The following SLC25A21 variants were observed in gnomAD, a reference collection of about 807,000 sequenced individuals.
SLC25A21 encodes mitochondrial 2-oxodicarboxylate carrier.
SLC25A21 carries 47 observed loss-of-function variants against 43.8 expected under a neutral mutation model. The ratio of observed to expected loss-of-function variants is 1.07; its 90% CI spans 0.85 to 1.37. The LOEUF is 1.37. SLC25A21 is among the 40% of genes most tolerant of loss of function. The pLI, the probability that SLC25A21 is intolerant of heterozygous loss-of-function variation, is 0.00. For missense variants in SLC25A21, 352 were observed against 350.2 expected (o/e 1.00, Z -0.04); for synonymous variants, 131 against 121.3 (o/e 1.08, Z -0.52).
Position 36,731,484 on chromosome 14 carries a change from G to C in SLC25A21, c.271-1918C>G, listed in dbSNP as rs1291268885. Reference sequence around the variant, plus strand: ...TAAGATAATTTAAGTAAGATTCCCTGACAGGACTGGCACAAGTAAGACTTT... The same window carrying C: ...TAAGATAATTTAAGTAAGATTCCCTCACAGGACTGGCACAAGTAAGACTTT... On this transcript the variant is annotated intron_variant, in intron 4 of 9. Coordinates refer to ENST00000331299, the MANE Select transcript of SLC25A21 (RefSeq NM_030631.4). Among the ~76,000 whole-genome samples, 7 of 152,238 alleles carry C rather than the reference G, an allele frequency of 4.6e-5. No homozygotes were observed. The South Asian group carries it at 8.3e-4, about 18-fold the overall frequency.
intron 6 of SLC25A21, among the ~76,000 whole-genome samples, chr14:36,722,905 CTCCTCTTCT>C (rs1302421731): frequency 1.3e-5 from 2 of 152,082 alleles, no homozygotes; most frequent in African/African-American, 4.8e-5. Flanking sequence ...ACTTCTCTTC[CTCCTCTTCT>C]TCCTCTTCCT....
intron 1 of SLC25A21, among the ~76,000 whole-genome samples, chr14:36,992,028 G>C (rs1960274766): frequency 6.6e-6 from 1 of 152,166 alleles, no homozygotes; most frequent in Non-Finnish European, 1.5e-5. Context: ...TTTATTTCTT[G>C]TTTAGCACAT....
intron 1 of SLC25A21, among the ~76,000 whole-genome samples, chr14:36,882,123 C>T (rs1187853627): frequency 2.6e-5 from 4 of 152,172 alleles, no homozygotes; most frequent in Non-Finnish European, 4.4e-5. Context: ...TGGCTCACAC[C>T]TGTAATCCCA....
At chr14:36,933,974 G>C (rs1892356314) in intron 1 of SLC25A21, among the ~76,000 whole-genome samples, 1 of 152,050 alleles carries the variant, frequency 6.6e-6, no homozygotes, top group Admixed American at 6.6e-5. Context: ...TGCTAAGCAT[G>C]GCTGAAAGTT....
chr14:37,131,896 A>T (rs1275578151), intron 1 of SLC25A21, among the ~76,000 whole-genome samples: 2 of 151,892 alleles, frequency 1.3e-5, no homozygotes, highest in Non-Finnish European at 2.9e-5. Context: ...CTGGTCTTAA[A>T]CTCCTGTGCT....
In SLC25A21 at chr14:36,678,578, T is replaced by G. The variant is rs1233532411; in HGVS notation, c.*2080A>C. 6.6e-7 allele frequency: 1 copy of G among 1,517,638 alleles called. No individual in the cohort carries two copies. The highest frequency in any genetic ancestry group is 8.8e-7 in the Non-Finnish European group (1 of 1,137,650). 94.0% of individuals were successfully genotyped at this position (1,517,638 alleles called of 1,614,324 possible). On this transcript the variant is annotated 3_prime_UTR_variant, in exon 10 of 10. Coordinates refer to ENST00000331299, the MANE Select transcript of SLC25A21 (RefSeq NM_030631.4). ...TTAAAACCATACCATACAGGGACTC[T>G]CCTGTCATCTGAAAAACTGATGTAA...
At chr14:37,058,148 ATTG>A (rs1324340329) in intron 1 of SLC25A21, among the ~76,000 whole-genome samples, 1 of 152,240 alleles carries the variant, frequency 6.6e-6, no homozygotes, top group Non-Finnish European at 1.5e-5. Context: ...TCAATGGAAA[ATTG>A]TTTTCTGCAC....
chr14:37,035,493 T>A (rs1961308336), intron 1 of SLC25A21, among the ~76,000 whole-genome samples: 1 of 152,162 alleles, frequency 6.6e-6, no homozygotes, highest in South Asian at 2.1e-4. Flanking sequence ...CAGGAAGAGG[T>A]GAAGTGTCTC....
At chr14:36,979,322 TGTTTTTTTG>T (rs1344113207) in intron 1 of SLC25A21, among the ~76,000 whole-genome samples, 58 of 128,502 alleles carry the variant, frequency 4.5e-4, no homozygotes, top group Non-Finnish European at 7.7e-4. Context: ...ATTAAGGTAG[TGTTTTTTTG>T]GTTTTTTTTT....
chr14:36,735,474 A>AGTGACTAAAGATAAGGG (rs11270220), intron 3 of SLC25A21, among the ~76,000 whole-genome samples: 1 of 152,152 alleles, frequency 6.6e-6, no homozygotes, highest in African/African-American at 2.4e-5. Context: ...TGAGTCCATA[A>AGTGACTAAAGATAAGGG]CATGTCCCTA....
At chr14:36,703,019 T>C (rs914280931) in intron 7 of SLC25A21, among the ~76,000 whole-genome samples, 3 of 152,226 alleles carry the variant, frequency 2.0e-5, no homozygotes, top group African/African-American at 4.8e-5. Context: ...TGGAATTTTA[T>C]AGATAATAGG....
At chr14:37,064,414 GTC>G (rs369330133) in intron 1 of SLC25A21, among the ~76,000 whole-genome samples, 9 of 149,586 alleles carry the variant, frequency 6.0e-5, no homozygotes, top group African/African-American at 7.3e-5. Flanking sequence ...AAATTCTCTT[GTC>G]TCTCTCTCTC....
At chr14:37,169,640 T>C (rs1371624017) in intron 1 of SLC25A21, among the ~76,000 whole-genome samples, 3 of 151,016 alleles carry the variant, frequency 2.0e-5, no homozygotes, top group Non-Finnish European at 4.4e-5. Flanking sequence ...TACCAGTGAT[T>C]AGAACTCCAG....
At chr14:37,101,565 A>G (rs993114403) in intron 1 of SLC25A21, among the ~76,000 whole-genome samples, 1 of 152,226 alleles carries the variant, frequency 6.6e-6, no homozygotes, top group Non-Finnish European at 1.5e-5. Context: ...TATTATTTTA[A>G]TTGTTAAAAA....
chr14:37,094,894 C>T (rs1433210388), intron 1 of SLC25A21, among the ~76,000 whole-genome samples: 1 of 152,102 alleles, frequency 6.6e-6, no homozygotes, highest in Non-Finnish European at 1.5e-5. Flanking sequence ...TATTGTACAA[C>T]ATGGTGGCTA....
chr14:37,013,525 A>C (rs1198778899), intron 1 of SLC25A21, among the ~76,000 whole-genome samples: 1 of 152,192 alleles, frequency 6.6e-6, no homozygotes, highest in African/African-American at 2.4e-5. Context: ...TGTTTTCAAA[A>C]ATCTCTTAAT....
intron 2 of SLC25A21, among the ~76,000 whole-genome samples, chr14:36,838,445 TCTA>T (rs1454301569): frequency 7.2e-5 from 11 of 152,172 alleles, no homozygotes; most frequent in Non-Finnish European, 1.5e-4. Flanking sequence ...CCACCTAGCT[TCTA>T]CTAAGATTGT....
intron 1 of SLC25A21, among the ~76,000 whole-genome samples, chr14:36,894,732 G>T (rs1329677822): frequency 6.6e-6 from 1 of 152,154 alleles, no homozygotes; most frequent in Non-Finnish European, 1.5e-5. Flanking sequence ...CTAATTTATT[G>T]AGAGTTTTTA....
chr14:36,762,350 C>T (rs1373988317), intron 3 of SLC25A21, among the ~76,000 whole-genome samples: 1 of 152,190 alleles, frequency 6.6e-6, no homozygotes, highest in Non-Finnish European at 1.5e-5. Context: ...GGCTCAGGAA[C>T]ACTGCCCGGC....
Sources: allele counts gnomAD v4.1 joint callset (sites outside exome capture counted in the v4.1 genomes callset), GRCh38; gene constraint gnomAD v4.1.1; transcripts MANE v1.5; gene names NCBI Gene and HGNC (gene_info 2026-07-23, HGNC 2026-07-21).